The following TEX9 variants were observed in gnomAD, a reference collection of about 807,000 sequenced individuals.
TEX9 encodes the protein testis-expressed protein 9.
Under a neutral mutation model 59.6 loss-of-function variants are expected in TEX9, and 74 were observed. That is an observed-to-expected ratio of 1.24 (90% CI 1.03 to 1.51). The LOEUF (loss-of-function observed/expected upper bound fraction) is 1.51. Ranked by LOEUF, TEX9 falls within the 40% of genes most tolerant of loss-of-function variation. TEX9 has a pLI of 0.00. For missense variants in TEX9, 522 were observed against 447.8 expected, an observed-to-expected ratio of 1.17 and a Z score of -1.49; for synonymous variants, 186 against 152.2, an observed-to-expected ratio of 1.22 and a Z score of -1.64.
chr15:56,258,459 T>G (rs1414768374), intron 1 of TEX9, among the ~76,000 whole-genome samples: 2 of 152,144 alleles, frequency 1.3e-5, no homozygotes, highest in Non-Finnish European at 2.9e-5. Flanking sequence ...CATCTCTGAT[T>G]TCTTTGAGCA....
the TEX9 span, among the ~76,000 whole-genome samples, chr15:56,453,689 G>A: frequency 6.6e-6 from 1 of 152,136 alleles, no homozygotes; most frequent in Non-Finnish European, 1.5e-5. Flanking sequence ...TTTAAAATAG[G>A]ATTTCTAAAA....
At chr15:56,457,778 G>A in the TEX9 span, among the ~76,000 whole-genome samples, 1 of 151,370 alleles carries the variant, frequency 6.6e-6, no homozygotes, top group African/African-American at 2.4e-5. Flanking sequence ...TCATGCCACT[G>A]CACTCCAGCT....
rs1357990252 is a variant in TEX9 at position 56,332,343 on chromosome 15, A to G, written c.-106-41098A>G. ...AGGGACATGGATGAAATTGGAAATCATCATTCTCAGTAAACTATCGCAAGA... is the reference window on the plus strand; with the variant it reads ...AGGGACATGGATGAAATTGGAAATCGTCATTCTCAGTAAACTATCGCAAGA... On this transcript the variant is annotated intron_variant, in intron 1 of 5. Transcript: ENST00000560827. 2.0e-5 allele frequency among the ~76,000 whole-genome samples: 3 copies of G among 151,844 alleles called. No individual in the cohort carries two copies. The South Asian group carries it at 6.3e-4, about 32-fold the overall frequency.
chr15:56,395,372 A>G (rs1390897423), intron 9 of TEX9: 3 of 152,330 alleles, frequency 2.0e-5, no homozygotes, highest in African/African-American at 7.2e-5. Context: ...TCTGTTTATC[A>G]GTTCGTAGCT....
rs369088291 is a variant in TEX9 at position 56,398,284 on chromosome 15, A to G, written c.828+3450A>G. ...TGTATTGGTTATATGTTGAAATAATATTTGAATATATTAGGTTAAGTGAAA... is the reference window on the plus strand; with the variant it reads ...TGTATTGGTTATATGTTGAAATAATGTTTGAATATATTAGGTTAAGTGAAA... On this transcript the variant is annotated intron_variant, in intron 9 of 12. Transcript: ENST00000352903. The G allele has an allele frequency of 2.0e-5, 3 of 152,354 alleles. 1 individual carries two copies. The highest frequency in any genetic ancestry group is 6.5e-5 in the Admixed American group (1 of 15,306). The allele number at this position is 152,354 out of a possible 1,614,324, so 9.4% of individuals were successfully genotyped here. A position where few individuals can be genotyped will look rare whatever the true frequency, so the allele number is the denominator to read the frequency against.
At chr15:56,386,318 T>C (rs1410969978) in intron 4 of TEX9, among the ~76,000 whole-genome samples, 2 of 151,872 alleles carry the variant, frequency 1.3e-5, no homozygotes, top group Admixed American at 6.6e-5. Flanking sequence ...CTTTTTGAGA[T>C]GGTGGAAATA....
At chr15:56,434,364 T>TTTTGC (rs777722284) in intron 12 of TEX9, 5 of 1,612,718 alleles carry the variant, frequency 3.1e-6, no homozygotes, top group Non-Finnish European at 4.2e-6. Flanking sequence ...CTTCATCTCT[T>TTTTGC]TTTGCTTTCT....
chr15:56,262,517 T>A (rs1247670950), intron 1 of TEX9, among the ~76,000 whole-genome samples: 1 of 152,246 alleles, frequency 6.6e-6, no homozygotes, highest in Non-Finnish European at 1.5e-5. Context: ...GTTTTATGCA[T>A]AGCATATAGC....
intron 7 of TEX9, chr15:56,393,799 A>T (rs2048324971): frequency 5.8e-6 from 1 of 171,266 alleles, no homozygotes; most frequent in Non-Finnish European, 1.2e-5. Context: ...TTGTAATCAC[A>T]GTGGCTGCAC....
intron 1 of TEX9, among the ~76,000 whole-genome samples, chr15:56,301,434 A>T (rs1241098583): frequency 6.6e-6 from 1 of 152,194 alleles, no homozygotes; most frequent in Admixed American, 6.5e-5. Flanking sequence ...TTCAAGTATA[A>T]GAAGGTTATA....
At chr15:56,365,980 ATAGT>A in intron 2 of TEX9, 1 of 940,822 alleles carries the variant, frequency 1.1e-6, no homozygotes, top group Non-Finnish European at 1.4e-6. Context: ...ATTGCCACGA[ATAGT>A]TAGTTCACTT....
At chr15:56,285,493 A>T (rs1330793678) in intron 1 of TEX9, among the ~76,000 whole-genome samples, 4 of 152,120 alleles carry the variant, frequency 2.6e-5, no homozygotes, top group Non-Finnish European at 4.4e-5. Context: ...TTTGACTTCT[A>T]TCTCCACCAC....
intron 1 of TEX9, among the ~76,000 whole-genome samples, chr15:56,296,362 C>T (rs1455688937): frequency 6.6e-6 from 1 of 151,996 alleles, no homozygotes; most frequent in Non-Finnish European, 1.5e-5. Context: ...GCTCAAGTTT[C>T]TTTAATTAGT....
At chr15:56,387,716 G>A (rs2048023670) in intron 4 of TEX9, among the ~76,000 whole-genome samples, 1 of 151,840 alleles carries the variant, frequency 6.6e-6, no homozygotes, top group South Asian at 2.1e-4. Flanking sequence ...TTTCTGTAAA[G>A]GGGCAGATAG....
At chr15:56,406,091 T>C (rs2049062256) in intron 9 of TEX9, among the ~76,000 whole-genome samples, 1 of 152,212 alleles carries the variant, frequency 6.6e-6, no homozygotes, top group Non-Finnish European at 1.5e-5. Context: ...ATATCCTTTG[T>C]ACTCCTGCCC....
intron 3 of TEX9, among the ~76,000 whole-genome samples, chr15:56,374,793 G>A (rs2047355046): frequency 6.6e-6 from 1 of 152,136 alleles, no homozygotes. Flanking sequence ...AAATAAGTGA[G>A]AGCATGTGAA....
intron 3 of TEX9, among the ~76,000 whole-genome samples, chr15:56,381,100 A>T (rs763582855): frequency 6.6e-6 from 1 of 151,944 alleles, no homozygotes; most frequent in Admixed American, 6.6e-5. Flanking sequence ...GGCATGCTTC[A>T]TTCTTTTTTC....
At chr15:56,345,499 AG>A (rs1448018501) in intron 1 of TEX9, among the ~76,000 whole-genome samples, 1 of 152,108 alleles carries the variant, frequency 6.6e-6, no homozygotes, top group Non-Finnish European at 1.5e-5. Context: ...ATGTTGCCCA[AG>A]CTACACTCAA....
intron 9 of TEX9, among the ~76,000 whole-genome samples, chr15:56,405,212 G>C (rs536842400): frequency 2.6e-5 from 4 of 152,030 alleles, no homozygotes; most frequent in Admixed American, 2.0e-4. Context: ...GCTGAGGCAG[G>C]AGAATGGCGT....
Sources: allele counts gnomAD v4.1 joint callset (sites outside exome capture counted in the v4.1 genomes callset), GRCh38; gene constraint gnomAD v4.1.1; transcripts MANE v1.5; gene names NCBI Gene and HGNC (gene_info 2026-07-23, HGNC 2026-07-21).